The following ACOT13 variants were observed in gnomAD, a reference collection of about 807,000 sequenced individuals.
ACOT13 encodes the protein acyl-coenzyme A thioesterase 13.
In ACOT13, 10 loss-of-function variants were observed where a neutral mutation model predicts 11.8. The observed-to-expected ratio is 0.85, with a 90% CI of 0.53 to 1.44. The LOEUF is 1.44. Ranked by LOEUF, ACOT13 falls within the 40% of genes most tolerant of loss-of-function variation. ACOT13 has a pLI of 0.00. For synonymous variants in ACOT13, 53 were observed against 61.0 expected (o/e 0.87, Z 0.61); for missense variants, 172 against 174.1 (o/e 0.99, Z 0.07).
At chr6:24,674,605 A>G (rs1408756891) in intron 1 of ACOT13, among the ~76,000 whole-genome samples, 3 of 151,774 alleles carry the variant, frequency 2.0e-5, no homozygotes, top group Non-Finnish European at 2.9e-5. Context: ...TAGTAGAGAC[A>G]GGGTTTCACC....
chr6:24,698,426 C>T (rs1032796719), intron 2 of ACOT13, among the ~76,000 whole-genome samples: 3 of 152,168 alleles, frequency 2.0e-5, no homozygotes, highest in Admixed American at 1.3e-4. Flanking sequence ...GTGGCTCACG[C>T]CTATAATCCC....
At chr6:24,682,167 C>T (rs187572037) in intron 1 of ACOT13, among the ~76,000 whole-genome samples, 1 of 152,328 alleles carries the variant, frequency 6.6e-6, no homozygotes, top group East Asian at 1.9e-4. Context: ...CCACGCTAAT[C>T]GTTTTTAACT....
chr6:24,678,618 TCCTC>T (rs984192901), intron 1 of ACOT13, among the ~76,000 whole-genome samples: 1 of 152,190 alleles, frequency 6.6e-6, no homozygotes, highest in African/African-American at 2.4e-5. Context: ...ATTAATTCCT[TCCTC>T]AAGCAGGGGA....
intron 1 of ACOT13, among the ~76,000 whole-genome samples, chr6:24,697,269 AC>A (rs1778810787): frequency 6.6e-6 from 1 of 152,212 alleles, no homozygotes; most frequent in African/African-American, 2.4e-5. Context: ...TAACTCAATG[AC>A]TGAATTTGTC....
intron 1 of ACOT13, among the ~76,000 whole-genome samples, chr6:24,683,996 A>T (rs937461843): frequency 1.3e-4 from 19 of 151,774 alleles, no homozygotes; most frequent in African/African-American, 4.4e-4. Context: ...GGGGTTTCAT[A>T]AATGTTTTAA....
chr6:24,701,337 AATACTACC>A, intron 2 of ACOT13, 114 bp from the exon 3 acceptor site: 1 of 823,482 alleles, frequency 1.2e-6, no homozygotes. Context: ...AAAGCTTACC[AATACTACC>A]GTTAAAACTA....
chr6:24,704,096 A>G lies in ACOT13; in HGVS notation c.*2481A>G, dbSNP rs1778947049. 6.6e-6 allele frequency: 1 copy of G among 152,220 alleles called. No homozygotes were observed. 9.4% of individuals were successfully genotyped at this position (152,220 alleles called of 1,614,324 possible). A position where few individuals can be genotyped will look rare whatever the true frequency, so the allele number is the denominator to read the frequency against. On this transcript the variant is annotated 3_prime_UTR_variant, in exon 3 of 3. Coordinates refer to ENST00000230048, the MANE Select transcript of ACOT13 (RefSeq NM_018473.4). ...CGAATATGGATGATAAAGAGTATCAACATTCCCTGAGTTTGGTAATTTTAC... is the reference window on the plus strand; with the variant it reads ...CGAATATGGATGATAAAGAGTATCAGCATTCCCTGAGTTTGGTAATTTTAC...
At chr6:24,685,228 C>T (rs1321756390) in intron 1 of ACOT13, among the ~76,000 whole-genome samples, 2 of 149,802 alleles carry the variant, frequency 1.3e-5, no homozygotes, top group Non-Finnish European at 3.0e-5. Flanking sequence ...GGTTTTGTGG[C>T]TGTTTATGTT....
At chr6:24,691,180 T>G (rs943106850) in intron 1 of ACOT13, among the ~76,000 whole-genome samples, 2 of 152,204 alleles carry the variant, frequency 1.3e-5, no homozygotes, top group African/African-American at 4.8e-5. Flanking sequence ...CACTAAATAT[T>G]GGGCATATTG....
At chr6:24,689,093 A>G (rs928634299) in intron 1 of ACOT13, among the ~76,000 whole-genome samples, 1 of 152,122 alleles carries the variant, frequency 6.6e-6, no homozygotes, top group Non-Finnish European at 1.5e-5. Flanking sequence ...TAGGAGGTGG[A>G]GGCTACAGTG....
At chr6:24,680,959 T>C (rs575948803) in intron 1 of ACOT13, among the ~76,000 whole-genome samples, 26 of 152,340 alleles carry the variant, frequency 1.7e-4, no homozygotes, top group African/African-American at 6.0e-4. Flanking sequence ...GAATACCTAT[T>C]GTGGTTTTTT....
intron 1 of ACOT13, among the ~76,000 whole-genome samples, chr6:24,684,041 T>C (rs1327830781): frequency 6.6e-6 from 1 of 152,042 alleles, no homozygotes; most frequent in Non-Finnish European, 1.5e-5. Flanking sequence ...TAAGATAGAA[T>C]ACTGGGAAAT....
intron 1 of ACOT13, among the ~76,000 whole-genome samples, chr6:24,677,257 G>T (rs1399271471): frequency 6.6e-6 from 1 of 152,228 alleles, no homozygotes; most frequent in African/African-American, 2.4e-5. Flanking sequence ...TTGTCTGGAA[G>T]AAATGTGGCT....
chr6:24,686,433 G>A (rs1778631149), intron 1 of ACOT13, among the ~76,000 whole-genome samples: 1 of 152,142 alleles, frequency 6.6e-6, no homozygotes. Flanking sequence ...CAAGAAGTGG[G>A]GTGCTTGCTT....
At chr6:24,677,950 G>T (rs997127393) in intron 1 of ACOT13, among the ~76,000 whole-genome samples, 8 of 152,140 alleles carry the variant, frequency 5.3e-5, no homozygotes, top group African/African-American at 1.9e-4. Context: ...CATTTTGTTT[G>T]GAAACCTTGT....
chr6:24,703,061 T>C lies in ACOT13; in HGVS notation c.*1446T>C, dbSNP rs1778921437. 3 of 152,264 alleles carry C rather than the reference T, an allele frequency of 2.0e-5. No homozygotes were observed. The highest frequency in any genetic ancestry group is 2.1e-4 in the South Asian group (1 of 4,836). The allele number at this position is 152,264 out of a possible 1,614,324, so 9.4% of individuals were successfully genotyped here. On this transcript the variant is annotated 3_prime_UTR_variant, in exon 3 of 3. Transcript: ENST00000230048. ...GCCACCACGCCTAATTTTATTTTTGTAGAAACAAGGTCTCACTGTTGCCCA... is the reference window on the plus strand; with the variant it reads ...GCCACCACGCCTAATTTTATTTTTGCAGAAACAAGGTCTCACTGTTGCCCA...
At chr6:24,689,600 A>T (rs1214851170) in intron 1 of ACOT13, among the ~76,000 whole-genome samples, 2 of 152,198 alleles carry the variant, frequency 1.3e-5, no homozygotes, top group Non-Finnish European at 2.9e-5. Context: ...CCTTTAAGAA[A>T]ATTTTGTATA....
At chr6:24,667,558 A>C (rs1211373618) in intron 1 of ACOT13, among the ~76,000 whole-genome samples, 1 of 152,202 alleles carries the variant, frequency 6.6e-6, no homozygotes, top group Non-Finnish European at 1.5e-5. Context: ...ATAGATAAGT[A>C]TGGTTATGAC....
At chr6:24,667,488 T>C in intron 1 of ACOT13, 144 bp downstream of exon 1, 1 of 738,340 alleles carries the variant, frequency 1.4e-6, no homozygotes, top group Admixed American at 2.5e-5. Context: ...TAATAATGAT[T>C]ATTACTTTAA....
Sources: gnomAD v4.1 joint callset for allele counts (sites outside exome capture counted in the v4.1 genomes callset) on GRCh38, gnomAD v4.1.1 for gene constraint, MANE v1.5 for transcripts, NCBI Gene and HGNC (gene_info 2026-07-23, HGNC 2026-07-21) for gene names.